SDK1: variants seen among roughly 807,000 people sequenced by gnomAD.
SDK1 encodes protein sidekick-1.
Under a neutral mutation model 245.5 loss-of-function variants are expected in SDK1, and 157 were observed. The observed-to-expected ratio is 0.64, with a 90% confidence interval of 0.56 to 0.73. The LOEUF is 0.73. Ranked by LOEUF, SDK1 falls within the 30% of genes least tolerant of loss-of-function variation. The probability of loss-of-function intolerance (pLI) is 0.00; values close to 1 mark genes in which losing one functional copy is unlikely to be tolerated. For synonymous variants in SDK1, 1,647 were observed against 1,278.5 expected (o/e 1.29, Z -6.15); for missense variants, 3,583 against 3,002.3 (o/e 1.19, Z -4.52).
chr7:3,847,533 G>C (rs1780310802), intron 5 of SDK1, among the ~76,000 whole-genome samples: 1 of 152,218 alleles, frequency 6.6e-6, no homozygotes, highest in South Asian at 2.1e-4. Flanking sequence ...AAGCGTGTGG[G>C]ATTGCAAAGC....
At chr7:3,492,780 G>A (rs926808267) in intron 1 of SDK1, among the ~76,000 whole-genome samples, 2 of 152,182 alleles carry the variant, frequency 1.3e-5, no homozygotes, top group Admixed American at 6.5e-5. Context: ...ATGGCAAACA[G>A]AACGATGCAG....
intron 5 of SDK1, among the ~76,000 whole-genome samples, chr7:3,905,904 A>G (rs934751497): frequency 1.3e-5 from 2 of 152,304 alleles, no homozygotes; most frequent in South Asian, 4.1e-4. Context: ...GATTGCAGGT[A>G]TGAGCCACTG....
At chr7:3,895,336 C>T (rs559508306) in intron 5 of SDK1, among the ~76,000 whole-genome samples, 1 of 152,282 alleles carries the variant, frequency 6.6e-6, no homozygotes, top group East Asian at 1.9e-4. Context: ...AGTCTGGCTG[C>T]CTCAGGGCCC....
chr7:4,217,428 G>C (rs1198630585), intron 38 of SDK1, among the ~76,000 whole-genome samples: 1 of 120,868 alleles, frequency 8.3e-6, no homozygotes, highest in African/African-American at 3.4e-5. Flanking sequence ...CGGAGCACCA[G>C]GCCACTCGGA....
At chr7:4,076,744 G>A (rs4391327) in intron 20 of SDK1, among the ~76,000 whole-genome samples, 49,422 of 151,988 alleles carry the variant, frequency 0.33, 8,455 homozygotes, top group Middle Eastern at 0.42. Context: ...TATGAAGCTC[G>A]CCCTGGTAGG....
intron 15 of SDK1, among the ~76,000 whole-genome samples, chr7:4,011,882 T>G (rs1259092480): frequency 6.6e-6 from 1 of 152,200 alleles, no homozygotes; most frequent in Non-Finnish European, 1.5e-5. Context: ...CCACCTTTCC[T>G]CGTTGCTTGG....
intron 4 of SDK1, among the ~76,000 whole-genome samples, chr7:3,764,116 C>G (rs886306082): frequency 6.6e-6 from 1 of 152,134 alleles, no homozygotes; most frequent in Non-Finnish European, 1.5e-5. Flanking sequence ...TTATAATACT[C>G]GTATTTTTAT....
At chr7:4,172,432 G>A (rs1781904197) in intron 32 of SDK1, among the ~76,000 whole-genome samples, 1 of 152,186 alleles carries the variant, frequency 6.6e-6, no homozygotes, top group African/African-American at 2.4e-5. Flanking sequence ...CGGAGAGCCT[G>A]GGGAGCAAAG....
intron 32 of SDK1, among the ~76,000 whole-genome samples, chr7:4,164,906 T>C (rs148916010): frequency 1.3e-5 from 2 of 152,236 alleles, no homozygotes; most frequent in Non-Finnish European, 2.9e-5. Flanking sequence ...AAATAAATGC[T>C]TGTCAACTGC....
chr7:3,537,766 G>T (rs554162332), intron 1 of SDK1, among the ~76,000 whole-genome samples: 1 of 152,300 alleles, frequency 6.6e-6, no homozygotes, highest in Non-Finnish European at 1.5e-5. Flanking sequence ...CCCTTGAGCT[G>T]GTCAGGTTCC....
intron 13 of SDK1, among the ~76,000 whole-genome samples, chr7:3,980,960 A>G (rs907986908): frequency 1.3e-5 from 2 of 152,172 alleles, no homozygotes; most frequent in African/African-American, 2.4e-5. Flanking sequence ...AAGAAAGAAA[A>G]AAAGAAATAG....
intron 13 of SDK1, 171 bp downstream of exon 13, chr7:3,974,716 G>T (rs957747862): frequency 1.7e-6 from 1 of 579,100 alleles, no homozygotes; most frequent in Non-Finnish European, 3.0e-6. Flanking sequence ...TTTTTTTGTG[G>T]TTTCTTTCAA....
intron 1 of SDK1, among the ~76,000 whole-genome samples, chr7:3,396,587 A>G (rs909226669): frequency 6.6e-6 from 1 of 151,688 alleles, no homozygotes; most frequent in Non-Finnish European, 1.5e-5. Context: ...TACCTGCTGA[A>G]TTACCCTCTT....
chr7:3,951,152 T>C, intron 6 of SDK1, 118 bp downstream of exon 6: 1 of 753,900 alleles, frequency 1.3e-6, no homozygotes, highest in Non-Finnish European at 2.3e-6. Flanking sequence ...TGGTCTTGTT[T>C]GGCCGGGTGG....
chr7:3,788,057 G>T (rs545960011), intron 4 of SDK1, among the ~76,000 whole-genome samples: 3 of 152,266 alleles, frequency 2.0e-5, no homozygotes, highest in South Asian at 2.1e-4. Flanking sequence ...CGTGTGCTCC[G>T]GGGAGTGGAC....
chr7:4,195,808 G>C (rs954047095), intron 35 of SDK1, among the ~76,000 whole-genome samples: 1 of 152,086 alleles, frequency 6.6e-6, no homozygotes, highest in Non-Finnish European at 1.5e-5. Context: ...GGATGAAGCC[G>C]TCGCTGCTCC....
intron 1 of SDK1, among the ~76,000 whole-genome samples, chr7:3,357,776 G>A (rs899293325): frequency 6.6e-6 from 1 of 152,088 alleles, no homozygotes; most frequent in Non-Finnish European, 1.5e-5. Context: ...CCCAGTGACA[G>A]TATCTTCTCA....
At chr7:3,457,919 T>G (rs891117175) in intron 1 of SDK1, among the ~76,000 whole-genome samples, 7 of 152,206 alleles carry the variant, frequency 4.6e-5, no homozygotes, top group African/African-American at 1.7e-4. Context: ...TTTAGACACT[T>G]TTGATCTTTG....
Position 3,403,857 on chromosome 7 carries a change from A to ATTATATATATATATTT in SDK1, c.298+101974_298+101975insTATATATATATATTTT, listed in dbSNP as rs1254839995. ...TATATATATATATATATATATATAT[A>ATTATATATATATATTT]TATATATATATAATATATATATTTA... On this transcript the variant is annotated intron_variant, in intron 1 of 44. Coordinates refer to ENST00000404826, the MANE Select transcript of SDK1 (RefSeq NM_152744.4). Among the ~76,000 whole-genome samples the ATTATATATATATATTT allele has an allele frequency of 1.3e-4, 15 of 112,216 alleles. 1 individual carries two copies. Among genetic ancestry groups the ATTATATATATATATTT allele is most frequent in the African/African-American group, 5.2e-4 (15 of 28,770 alleles). The allele number at this position is 112,216 out of a possible 152,430, so 73.6% of individuals were successfully genotyped here. A position where few individuals can be genotyped will look rare whatever the true frequency, so the allele number is the denominator to read the frequency against.
Sources: gnomAD v4.1 joint callset for allele counts (sites outside exome capture counted in the v4.1 genomes callset) on GRCh38, gnomAD v4.1.1 for gene constraint, MANE v1.5 for transcripts, NCBI Gene and HGNC (gene_info 2026-07-23, HGNC 2026-07-21) for gene names.